Variants in CEP350 observed in about 807,000 individuals in gnomAD.
CEP350 encodes the protein centrosomal protein 350, also known as centrosome-associated protein 350.
CEP350 carries 126 observed loss-of-function variants against 331.8 expected under a neutral mutation model. The observed-to-expected ratio is 0.38, with a 90% CI of 0.33 to 0.44. The LOEUF (loss-of-function observed/expected upper bound fraction) is 0.44, where lower values mean the gene tolerates loss of function less well. CEP350 is among the 20% of genes least tolerant of loss of function. The probability of loss-of-function intolerance (pLI) is 1.00; values close to 1 mark genes in which losing one functional copy is unlikely to be tolerated. For missense variants in CEP350, 3,406 were observed against 3,634.6 expected, an observed-to-expected ratio of 0.94 and a Z score of 1.62; for synonymous variants, 1,200 against 1,259.5, an observed-to-expected ratio of 0.95 and a Z score of 1.00.
At chr1:180,022,603 C>A in intron 12 of CEP350, 95 bp from the exon 13 acceptor site, 1 of 1,017,366 alleles carries the variant, frequency 9.8e-7, no homozygotes, top group South Asian at 1.6e-5. Context: ...TAAAATGTCC[C>A]TAAGCCCATA....
intron 1 of CEP350, among the ~76,000 whole-genome samples, chr1:179,980,270 A>G (rs771943663): frequency 2.0e-5 from 3 of 150,368 alleles, no homozygotes; most frequent in Non-Finnish European, 3.0e-5. Context: ...ACTTATTCCT[A>G]GGCAGATTTT....
intron 1 of CEP350, among the ~76,000 whole-genome samples, chr1:179,972,495 G>A (rs923161427): frequency 2.6e-5 from 4 of 151,616 alleles, no homozygotes; most frequent in Admixed American, 2.0e-4. Context: ...AGGGAAAAGA[G>A]TGCTGTTTAT....
rs570456745 is a variant in CEP350 at position 179,972,690 on chromosome 1, G to C, written c.-13-13479G>C. 7.5e-4 allele frequency among the ~76,000 whole-genome samples: 113 copies of C among 151,668 alleles called. 1 individual carries two copies. The South Asian group carries it at 0.024, about 32-fold the overall frequency. On this transcript the variant is annotated intron_variant, in intron 1 of 37. Transcript: ENST00000367607. Reference sequence around the variant, plus strand: ...CTGCCGAAAAGAGTGTTTTTAGAGAGTGGTCAATTGTAATGAAGCTGCCAG... The same window carrying C: ...CTGCCGAAAAGAGTGTTTTTAGAGACTGGTCAATTGTAATGAAGCTGCCAG...
At chr1:180,071,273 C>T (rs1485986205) in intron 27 of CEP350, among the ~76,000 whole-genome samples, 1 of 150,124 alleles carries the variant, frequency 6.7e-6, no homozygotes, top group Non-Finnish European at 1.5e-5. Flanking sequence ...GCCTGGCCCA[C>T]ATGGTAAAAC....
In CEP350 at chr1:180,014,440, A is replaced by C; in HGVS notation, c.1987A>C (p.Lys663Gln). Reference sequence around the variant, plus strand: ...TAGGCGACTACAGGAAACTTACTCCAAATTGCTACTAGAAAAGACCTTGCT... The same window carrying C: ...TAGGCGACTACAGGAAACTTACTCCCAATTGCTACTAGAAAAGACCTTGCT... ...ATRRLQETYS[K>Q]LLLEKTLLEE... Residue 663 changes from lysine (K) to glutamine (Q), a missense_variant, in exon 10 of 38, where the codon AAA becomes CAA. Lys to Gln is a moderately conservative substitution (Grantham distance 53). This residue lies in a region of CEP350 where 1,857 missense variants were observed against 1,909.2 expected (regional missense o/e 0.97). Coordinates refer to ENST00000367607, the MANE Select transcript of CEP350 (RefSeq NM_014810.5). The C allele has an allele frequency of 6.2e-7, 1 of 1,609,784 alleles. No individual in the cohort carries two copies. Among genetic ancestry groups the C allele is most frequent in the East Asian group, 2.2e-5 (1 of 44,848 alleles).
intron 12 of CEP350, among the ~76,000 whole-genome samples, chr1:180,022,255 C>G (rs1166125062): frequency 1.3e-5 from 2 of 151,608 alleles, no homozygotes; most frequent in East Asian, 3.9e-4. Context: ...AAATCAACAT[C>G]ATTTTTAATA....
At position 180,011,949 on chromosome 1, in the gene CEP350, A is replaced by G. The variant is rs1328129317; in HGVS notation, c.1267A>G (p.Thr423Ala). ...CRTGSSHLIS[T>A]SSWRDGQKLV... ...TTTAGGTAGTAGTCATCTTATAAGT[A>G]CATCTTCTTGGCGAGATGGACAAAA... The change falls in exon 9 of 38, where the codon ACA becomes GCA. Residue 423 changes from threonine (T) to alanine (A), a missense_variant. Transcript: ENST00000367607. 3 of 1,601,872 alleles carry G rather than the reference A, an allele frequency of 1.9e-6. No individual in the cohort carries two copies. Among genetic ancestry groups the G allele is most frequent in the South Asian group, 2.2e-5 (2 of 88,916 alleles).
At chr1:180,021,115 A>G in intron 12 of CEP350, 106 bp downstream of exon 12, 1 of 969,688 alleles carries the variant, frequency 1.0e-6, no homozygotes, top group Non-Finnish European at 1.4e-6. Flanking sequence ...TTGAGTGGAT[A>G]ATGGAGACTT....
chr1:180,011,255 C>T (rs1219382177), intron 8 of CEP350, among the ~76,000 whole-genome samples: 2 of 152,082 alleles, frequency 1.3e-5, no homozygotes, highest in African/African-American at 2.4e-5. Flanking sequence ...TAATACCATC[C>T]CCTTCAAAAG....
At chr1:180,048,072 G>A (rs1215802882) in intron 21 of CEP350, among the ~76,000 whole-genome samples, 3 of 152,154 alleles carry the variant, frequency 2.0e-5, no homozygotes, top group Non-Finnish European at 4.4e-5. Context: ...AGGAGATATG[G>A]TCAACATCTA....
intron 14 of CEP350, among the ~76,000 whole-genome samples, chr1:180,027,780 G>A (rs1655777109): frequency 6.6e-6 from 1 of 152,002 alleles, no homozygotes; most frequent in African/African-American, 2.4e-5. Flanking sequence ...AAATACTACT[G>A]CATTGAATAT....
chr1:180,004,914 T>G (rs796128586), intron 7 of CEP350, among the ~76,000 whole-genome samples: 524 of 57,764 alleles, frequency 9.1e-3, no homozygotes, highest in African/African-American at 0.013. Context: ...TTGCTTTCTT[T>G]CTTTCTTTCT....
intron 21 of CEP350, among the ~76,000 whole-genome samples, chr1:180,046,506 C>G (rs1008445641): frequency 6.6e-6 from 1 of 152,104 alleles, no homozygotes; most frequent in East Asian, 1.9e-4. Context: ...TGGGTTGTTT[C>G]CACTTTTTAA....
At chr1:180,043,923 T>G in intron 20 of CEP350, 128 bp from the exon 21 acceptor site, 1 of 776,432 alleles carries the variant, frequency 1.3e-6, no homozygotes, top group Non-Finnish European at 1.9e-6. Context: ...TATTCTTTAA[T>G]GTGTTGTAAG....
chr1:180,052,126 C>T (rs1385342110), intron 22 of CEP350: 1 of 436,676 alleles, frequency 2.3e-6, no homozygotes, highest in East Asian at 7.1e-5. Context: ...CATATATTAC[C>T]TAGCTCTGTC....
In CEP350 at chr1:180,014,343, A is replaced by G. The variant is rs554649135; in HGVS notation, c.1890A>G (p.Gln630=). The G allele has an allele frequency of 1.3e-6, 2 of 1,591,200 alleles. No individual in the cohort carries two copies. Among genetic ancestry groups the G allele is most frequent in the East Asian group, 2.3e-5 (1 of 44,202 alleles). Residue 630 remains glutamine (Q), a synonymous_variant, in exon 10 of 38, where the codon CAA becomes CAG. Coordinates refer to ENST00000367607, the MANE Select transcript of CEP350 (RefSeq NM_014810.5). Reference sequence around the variant, plus strand: ...CAGAACAGAAAAACAAACGATTACAAGAGCTCTACCGGAAGCAGAAGGAAG... The same window carrying G: ...CAGAACAGAAAAACAAACGATTACAGGAGCTCTACCGGAAGCAGAAGGAAG... The part of the protein sequence containing the change: ...EATEQKNKRL[Q]ELYRKQKEAF...
chr1:180,066,316 A>G (rs796549120), intron 27 of CEP350, among the ~76,000 whole-genome samples: 23 of 152,330 alleles, frequency 1.5e-4, no homozygotes, highest in African/African-American at 5.5e-4. Flanking sequence ...TAAATATGGA[A>G]GAGACTCATT....
chr1:179,995,498 G>A (rs561373080), intron 5 of CEP350, among the ~76,000 whole-genome samples: 75 of 152,118 alleles, frequency 4.9e-4, no homozygotes, highest in Non-Finnish European at 9.4e-4. Flanking sequence ...CCAGCTACTC[G>A]GGAGGCTGAG....
chr1:180,023,790 A>G (rs1655494440), intron 13 of CEP350, among the ~76,000 whole-genome samples: 1 of 152,210 alleles, frequency 6.6e-6, no homozygotes, highest in African/African-American at 2.4e-5. Context: ...AGCTGCCATA[A>G]AAATTTATCT....
Sources: gnomAD v4.1 joint callset for allele counts (sites outside exome capture counted in the v4.1 genomes callset) on GRCh38, gnomAD v4.1.1 for gene constraint, gnomAD v4.1.1 regional missense constraint, MANE v1.5 for transcripts, NCBI Gene and HGNC (gene_info 2026-07-23, HGNC 2026-07-21) for gene names.